The following SPIDR variants were observed in gnomAD, a reference collection of about 807,000 sequenced individuals.
SPIDR encodes the protein scaffold protein involved in DNA repair, also known as DNA repair-scaffolding protein.
A neutral mutation model predicts 104.6 loss-of-function variants in SPIDR; 93 were observed. The ratio of observed to expected loss-of-function variants is 0.89; its 90% CI spans 0.75 to 1.06. SPIDR has a LOEUF of 1.06. SPIDR is among the 50% of genes least tolerant of loss of function. The pLI is 0.00. For synonymous variants in SPIDR, 431 were observed against 416.9 expected (o/e 1.03, Z -0.41); for missense variants, 1,154 against 1,111.2 (o/e 1.04, Z -0.55).
At chr8:47,445,353 T>TG (rs1398667925) in intron 8 of SPIDR, among the ~76,000 whole-genome samples, 3 of 152,228 alleles carry the variant, frequency 2.0e-5, no homozygotes, top group Admixed American at 2.0e-4. Flanking sequence ...TATTTCGAGA[T>TG]GCCATGAACC....
chr8:47,411,665 C>G (rs1489769190), intron 7 of SPIDR, among the ~76,000 whole-genome samples: 12 of 152,108 alleles, frequency 7.9e-5, no homozygotes, highest in African/African-American at 2.9e-4. Context: ...TTAATTAGAT[C>G]CCATTTGTCA....
intron 10 of SPIDR, among the ~76,000 whole-genome samples, chr8:47,636,897 CCTGTCGTGAGAGTA>C (rs1056384492): frequency 6.6e-6 from 1 of 151,894 alleles, no homozygotes; most frequent in African/African-American, 2.4e-5. Context: ...GATAATCATG[CCTGTCGTGAGAGTA>C]CTGTTCCTTC....
At position 47,548,125 on chromosome 8, in the gene SPIDR, G is replaced by A. The variant is rs564534454; in HGVS notation, c.1098-47686G>A. On this transcript the variant is annotated intron_variant, in intron 8 of 19. Coordinates refer to ENST00000297423, the MANE Select transcript of SPIDR (RefSeq NM_001080394.4). ...GGAGTGTGTTGTTTAGTTTCCAAGT[G>A]TTTGGAAATGTTTCTGTCATTTTTC... is the stretch of plus-strand genomic sequence containing the variant. Among the ~76,000 whole-genome samples, 15 of 152,000 alleles carry A rather than the reference G, an allele frequency of 9.9e-5. No homozygotes were observed. In the South Asian group the frequency reaches 3.1e-3, roughly 32 times the overall value.
At chr8:47,617,285 A>G (rs951737186) in intron 10 of SPIDR, among the ~76,000 whole-genome samples, 4 of 152,182 alleles carry the variant, frequency 2.6e-5, no homozygotes, top group Non-Finnish European at 5.9e-5. Context: ...TGGAGCATGC[A>G]CTGTTACCTC....
intron 5 of SPIDR, among the ~76,000 whole-genome samples, chr8:47,373,489 TTTC>T (rs1482987154): frequency 6.6e-6 from 1 of 152,008 alleles, no homozygotes. Flanking sequence ...TGGGATTTTT[TTTC>T]TTTTTTTTTT....
At chr8:47,455,053 G>A (rs1425140824) in intron 8 of SPIDR, among the ~76,000 whole-genome samples, 1 of 152,074 alleles carries the variant, frequency 6.6e-6, no homozygotes, top group Non-Finnish European at 1.5e-5. Context: ...AAAATAAAGA[G>A]TATTGGTCAA....
chr8:47,349,501 A>T (rs2052975496), intron 5 of SPIDR, among the ~76,000 whole-genome samples: 1 of 152,300 alleles, frequency 6.6e-6, no homozygotes, highest in South Asian at 2.1e-4. Flanking sequence ...GCTTTCTTCA[A>T]AGCTGTCAGA....
At position 47,575,784 on chromosome 8, in the gene SPIDR, A is replaced by T. The variant is rs192901664; in HGVS notation, c.1098-20027A>T. Among the ~76,000 whole-genome samples, 529 of 151,708 alleles carry T rather than the reference A, an allele frequency of 3.5e-3. 1 individual carries two copies. The highest frequency in any genetic ancestry group is 0.034 in the Middle Eastern group (10 of 294). On this transcript the variant is annotated intron_variant, in intron 8 of 19. Transcript: ENST00000297423. ...AGACCAGCCTGACCAACATGGTGAA[A>T]CCCCGTCTCTACTGAAAATACAAAA...
chr8:47,402,475 A>G (rs1169761421), intron 6 of SPIDR, among the ~76,000 whole-genome samples: 5 of 152,212 alleles, frequency 3.3e-5, no homozygotes, highest in African/African-American at 1.2e-4. Flanking sequence ...TAAAGAAGAA[A>G]AGAGAGAAGA....
At chr8:47,494,566 G>C (rs2079168776) in intron 8 of SPIDR, among the ~76,000 whole-genome samples, 1 of 151,994 alleles carries the variant, frequency 6.6e-6, no homozygotes, top group Non-Finnish European at 1.5e-5. Context: ...TCACAATGTA[G>C]TCTCTGATTT....
intron 8 of SPIDR, among the ~76,000 whole-genome samples, chr8:47,523,695 G>A (rs955048472): frequency 2.6e-5 from 4 of 152,164 alleles, no homozygotes; most frequent in African/African-American, 4.8e-5. Flanking sequence ...GTTACATAGT[G>A]CTGGGCAGCC....
At position 47,700,400 on chromosome 8, in the gene SPIDR, C is replaced by T. The variant is rs1361600106; in HGVS notation, c.1686-3C>T. 6.2e-7 allele frequency: 1 copy of T among 1,614,074 alleles called. No individual in the cohort carries two copies. The highest frequency in any genetic ancestry group is 8.5e-7 in the Non-Finnish European group (1 of 1,180,032). On this transcript the variant is annotated splice_region_variant and splice_polypyrimidine_tract_variant and intron_variant, in intron 11 of 19. Coordinates refer to ENST00000297423, the MANE Select transcript of SPIDR (RefSeq NM_001080394.4). The stretch of plus-strand genomic sequence containing the variant: ...TGAATACCTTTGACTTTTCTTGTTC[C>T]AGGACAGCGGGGATTTTCAGTTTGA...
chr8:47,375,511 A>G (rs1285797262), intron 5 of SPIDR, among the ~76,000 whole-genome samples: 2 of 152,192 alleles, frequency 1.3e-5, no homozygotes, highest in African/African-American at 2.4e-5. Flanking sequence ...AAGTGCTGGC[A>G]TTACAGGCAT....
chr8:47,336,927 T>C (rs2049871542), intron 5 of SPIDR, among the ~76,000 whole-genome samples: 1 of 152,216 alleles, frequency 6.6e-6, no homozygotes, highest in African/African-American at 2.4e-5. Flanking sequence ...CATATTCTTA[T>C]CAACACAGCC....
intron 5 of SPIDR, among the ~76,000 whole-genome samples, chr8:47,300,358 C>T (rs2041833887): frequency 6.6e-6 from 1 of 152,058 alleles, no homozygotes; most frequent in Admixed American, 6.6e-5. Flanking sequence ...CTTTATTAGT[C>T]TTGCTAGCAG....
intron 11 of SPIDR, among the ~76,000 whole-genome samples, chr8:47,685,497 A>ATTTTTT (rs1383864694): frequency 1.1e-4 from 12 of 113,192 alleles, no homozygotes; most frequent in African/African-American, 2.4e-4. Context: ...TTATTTATTT[A>ATTTTTT]TTTATTTATT....
chr8:47,279,216 T>G (rs2154220058), intron 1 of SPIDR: 1 of 152,792 alleles, frequency 6.5e-6, no homozygotes, highest in South Asian at 2.1e-4. Context: ...TTATACCTTG[T>G]GTTGTTTTCA....
intron 5 of SPIDR, among the ~76,000 whole-genome samples, chr8:47,315,830 C>G (rs933901981): frequency 6.6e-6 from 1 of 152,084 alleles, no homozygotes; most frequent in South Asian, 2.1e-4. Flanking sequence ...ACCTTGACTC[C>G]CTACCTCACA....
rs145373593 is a variant in SPIDR at position 47,659,118 on chromosome 8, C to T, written c.1545-14683C>T. Among the ~76,000 whole-genome samples, 471 of 151,850 alleles carry T rather than the reference C, an allele frequency of 3.1e-3. 3 individuals carry two copies. Among genetic ancestry groups the T allele is most frequent in the African/African-American group, 0.011 (445 of 41,414 alleles). ...ACCAAAAATACAAAAATTAGCTGGG[C>T]GAGGTGGTGAGTGCGCCTGTGGTCC... On this transcript the variant is annotated intron_variant, in intron 10 of 19. Coordinates refer to ENST00000297423, the MANE Select transcript of SPIDR (RefSeq NM_001080394.4).
Sources: allele counts gnomAD v4.1 joint callset (sites outside exome capture counted in the v4.1 genomes callset), GRCh38; gene constraint gnomAD v4.1.1; transcripts MANE v1.5; gene names NCBI Gene and HGNC (gene_info 2026-07-23, HGNC 2026-07-21).